The following ULK4 variants were observed in gnomAD, a reference collection of about 807,000 sequenced individuals.
ULK4 encodes the protein inactive serine/threonine-protein kinase ULK4.
In ULK4, 133 loss-of-function variants were observed where a neutral mutation model predicts 160.6. That is an observed-to-expected ratio of 0.83 (90% CI 0.72 to 0.96). The LOEUF is 0.96. Ranked by LOEUF, ULK4 falls within the 40% of genes least tolerant of loss-of-function variation. The probability of loss-of-function intolerance (pLI) is 0.00; values close to 1 mark genes in which losing one functional copy is unlikely to be tolerated. For synonymous variants in ULK4, 534 were observed against 539.8 expected, an observed-to-expected ratio of 0.99 and a Z score of 0.15; for missense variants, 1,580 against 1,499.5, an observed-to-expected ratio of 1.05 and a Z score of -0.89.
intron 30 of ULK4, among the ~76,000 whole-genome samples, chr3:41,626,264 G>A (rs929958753): frequency 7.9e-5 from 12 of 151,794 alleles, no homozygotes; most frequent in Admixed American, 7.2e-4. Flanking sequence ...CCTTAATGTT[G>A]GAAAAAAATT....
At chr3:41,663,831 A>G in intron 29 of ULK4, 132 bp from the exon 30 acceptor site, 1 of 708,914 alleles carries the variant, frequency 1.4e-6, no homozygotes, top group Non-Finnish European at 2.3e-6. Flanking sequence ...AGATTTAAGT[A>G]ATTTACCTCT....
At chr3:41,872,113 C>A (rs1218213593) in intron 17 of ULK4, among the ~76,000 whole-genome samples, 2 of 152,194 alleles carry the variant, frequency 1.3e-5, no homozygotes, top group Non-Finnish European at 2.9e-5. Flanking sequence ...TAGGATATAG[C>A]CCTTAGTCCC....
chr3:41,572,926 G>A (rs1328665418), intron 31 of ULK4, among the ~76,000 whole-genome samples: 1 of 152,098 alleles, frequency 6.6e-6, no homozygotes, highest in Non-Finnish European at 1.5e-5. Flanking sequence ...ACTGGCTGAT[G>A]GGGAAAAGAG....
At chr3:41,733,753 T>TTTTTA (rs1197898146) in intron 22 of ULK4, among the ~76,000 whole-genome samples, 18 of 140,210 alleles carry the variant, frequency 1.3e-4, no homozygotes, top group African/African-American at 4.3e-4. Context: ...TTTTTTTTTT[T>TTTTTA]AGACAGAGTC....
intron 19 of ULK4, among the ~76,000 whole-genome samples, chr3:41,802,869 T>TA (rs1236123433): frequency 1.3e-5 from 2 of 151,982 alleles, no homozygotes; most frequent in African/African-American, 4.8e-5. Context: ...CACTGTTAAA[T>TA]AAAAAAAGAT....
At chr3:41,671,171 A>G (rs2035525395) in intron 29 of ULK4, among the ~76,000 whole-genome samples, 1 of 152,152 alleles carries the variant, frequency 6.6e-6, no homozygotes, top group Non-Finnish European at 1.5e-5. Flanking sequence ...AAAGCAATCT[A>G]CAGATACAAT....
intron 35 of ULK4, among the ~76,000 whole-genome samples, chr3:41,323,687 C>T (rs2080288992): frequency 6.6e-6 from 1 of 151,980 alleles, no homozygotes; most frequent in African/African-American, 2.4e-5. Flanking sequence ...TCCCAGTGTC[C>T]TGTCCAAATC....
At chr3:41,775,524 G>A (rs2039579401) in intron 21 of ULK4, among the ~76,000 whole-genome samples, 1 of 149,610 alleles carries the variant, frequency 6.7e-6, no homozygotes, top group South Asian at 2.1e-4. Context: ...TCAGCCTACT[G>A]AGTAGCTGGA....
At chr3:41,338,399 C>G (rs999354883) in intron 35 of ULK4, among the ~76,000 whole-genome samples, 1 of 152,320 alleles carries the variant, frequency 6.6e-6, no homozygotes, top group Non-Finnish European at 1.5e-5. Flanking sequence ...GATGCTGGAG[C>G]AAACACACAA....
chr3:41,577,876 C>T (rs141402749), intron 31 of ULK4, among the ~76,000 whole-genome samples: 61 of 152,272 alleles, frequency 4.0e-4, no homozygotes, highest in African/African-American at 1.2e-3. Context: ...AGAAGAGATT[C>T]AAGGATGTAA....
At chr3:41,320,323 C>T (rs956134694) in intron 35 of ULK4, among the ~76,000 whole-genome samples, 12 of 152,158 alleles carry the variant, frequency 7.9e-5, no homozygotes, top group Non-Finnish European at 1.2e-4. Context: ...TGCTCTGTAA[C>T]GCAGGGATGC....
intron 35 of ULK4, among the ~76,000 whole-genome samples, chr3:41,344,226 A>T (rs1479792621): frequency 6.6e-6 from 1 of 152,236 alleles, no homozygotes; most frequent in African/African-American, 2.4e-5. Flanking sequence ...GCAGTGGGGA[A>T]AGGATTCCCT....
intron 30 of ULK4, among the ~76,000 whole-genome samples, chr3:41,642,610 T>C (rs1249769767): frequency 1.3e-5 from 2 of 152,222 alleles, no homozygotes; most frequent in Non-Finnish European, 2.9e-5. Flanking sequence ...TTGGATCAGT[T>C]CTAAGTCTTC....
chr3:41,871,031 G>A (rs551557698), intron 17 of ULK4, among the ~76,000 whole-genome samples: 2 of 152,194 alleles, frequency 1.3e-5, no homozygotes, highest in African/African-American at 2.4e-5. Flanking sequence ...CTCTCCTCCC[G>A]CCATGTAAAG....
rs894780547 is a variant in ULK4, at chr3:41,388,330, T to C, written c.3678+9749A>G. On this transcript the variant is annotated intron_variant, in intron 35 of 36. Coordinates refer to ENST00000301831, the MANE Select transcript of ULK4 (RefSeq NM_017886.4). ...TTTCTCCCATTTTGTAGGTTGCCTG[T>C]TCACTCTGATGGTAGTTTCTTTTGC... 1.5e-4 allele frequency among the ~76,000 whole-genome samples: 23 copies of C among 152,042 alleles called. 1 individual carries two copies. Among genetic ancestry groups the C allele is most frequent in the African/African-American group, 4.1e-4 (17 of 41,346 alleles).
At chr3:41,731,634 A>T (rs546316850) in intron 22 of ULK4, among the ~76,000 whole-genome samples, 13 of 151,238 alleles carry the variant, frequency 8.6e-5, no homozygotes, top group Admixed American at 2.0e-4. Context: ...AAAATTCTAA[A>T]TTTTTTTTTA....
chr3:41,928,701 C>A (rs1032124861), intron 5 of ULK4, among the ~76,000 whole-genome samples: 1 of 151,892 alleles, frequency 6.6e-6, no homozygotes, highest in East Asian at 1.9e-4. Context: ...TCAGAGAATA[C>A]TATAAACACC....
chr3:41,666,671 C>A (rs1001048220), intron 29 of ULK4, among the ~76,000 whole-genome samples: 1 of 152,172 alleles, frequency 6.6e-6, no homozygotes, highest in African/African-American at 2.4e-5. Context: ...GACGGACCCA[C>A]AAGCCTATGA....
At chr3:41,326,546 G>A (rs2080342792) in intron 35 of ULK4, among the ~76,000 whole-genome samples, 1 of 151,992 alleles carries the variant, frequency 6.6e-6, no homozygotes, top group Non-Finnish European at 1.5e-5. Flanking sequence ...AAAGTAACAG[G>A]TGAAAGGCAG....
Sources: allele counts gnomAD v4.1 joint callset (sites outside exome capture counted in the v4.1 genomes callset), GRCh38; gene constraint gnomAD v4.1.1; transcripts MANE v1.5; gene names NCBI Gene and HGNC (gene_info 2026-07-23, HGNC 2026-07-21).